The following SMAP1 variants were observed in gnomAD, a reference collection of about 807,000 sequenced individuals.
The protein encoded by SMAP1 is stromal membrane-associated protein 1.
SMAP1 carries 24 observed loss-of-function variants against 58.5 expected under a neutral mutation model. The ratio of observed to expected loss-of-function variants is 0.41; its 90% CI spans 0.30 to 0.58. The LOEUF (loss-of-function observed/expected upper bound fraction) is 0.58, where lower values mean the gene tolerates loss of function less well. Ranked by LOEUF, SMAP1 falls within the 20% of genes least tolerant of loss-of-function variation. SMAP1 has a pLI of 0.29. For missense variants in SMAP1, 563 were observed against 566.3 expected (o/e 0.99, Z 0.06); for synonymous variants, 216 against 196.6 (o/e 1.10, Z -0.82).
intron 1 of SMAP1, among the ~76,000 whole-genome samples, chr6:70,691,127 C>T (rs545425708): frequency 1.3e-5 from 2 of 152,272 alleles, no homozygotes; most frequent in South Asian, 4.1e-4. Flanking sequence ...TTTATTGTAT[C>T]TGTAGAATCT....
intron 1 of SMAP1, among the ~76,000 whole-genome samples, chr6:70,681,564 T>C (rs909215777): frequency 6.6e-6 from 1 of 152,264 alleles, no homozygotes; most frequent in African/African-American, 2.4e-5. Flanking sequence ...GTTATTTTCA[T>C]CTTCCTTGAA....
At chr6:70,671,604 C>T (rs1308283820) in intron 1 of SMAP1, among the ~76,000 whole-genome samples, 1 of 152,142 alleles carries the variant, frequency 6.6e-6, no homozygotes, top group Non-Finnish European at 1.5e-5. Context: ...AAAAACAAAA[C>T]ATATAGATAA....
At chr6:70,721,733 C>T (rs996547781) in intron 1 of SMAP1, among the ~76,000 whole-genome samples, 6 of 152,108 alleles carry the variant, frequency 3.9e-5, no homozygotes, top group East Asian at 3.8e-4. Context: ...CTCAGAATCA[C>T]GGAATCATGG....
chr6:70,694,190 C>G (rs138580077), intron 1 of SMAP1: 1 of 322,158 alleles, frequency 3.1e-6, no homozygotes, highest in Non-Finnish European at 6.1e-6. Context: ...GAGGCTATAA[C>G]TTGATCTACT....
At chr6:70,690,708 A>ATATATTTT (rs1554189883) in intron 1 of SMAP1, among the ~76,000 whole-genome samples, 6 of 148,942 alleles carry the variant, frequency 4.0e-5, no homozygotes, top group South Asian at 2.1e-4. Context: ...ATATATATAT[A>ATATATTTT]TTTTTGAATT....
chr6:70,668,612 G>C, intron 1 of SMAP1: 1 of 1,535,846 alleles, frequency 6.5e-7, no homozygotes, highest in Non-Finnish European at 8.7e-7. Flanking sequence ...TCCGGGCTCG[G>C]ATTCTTGGTC....
chr6:70,805,413 C>T (rs1334462857), intron 6 of SMAP1, among the ~76,000 whole-genome samples: 2 of 152,192 alleles, frequency 1.3e-5, no homozygotes, highest in East Asian at 1.9e-4. Context: ...AACCTTTTTT[C>T]GAGGTTTTTA....
intron 1 of SMAP1, among the ~76,000 whole-genome samples, chr6:70,678,111 TGA>T (rs1766558719): frequency 6.6e-6 from 1 of 152,234 alleles, no homozygotes; most frequent in Admixed American, 6.5e-5. Context: ...ACATATATTT[TGA>T]GTGATAAATG....
chr6:70,831,136 C>A (rs754051757), intron 6 of SMAP1, among the ~76,000 whole-genome samples: 1 of 152,102 alleles, frequency 6.6e-6, no homozygotes, highest in African/African-American at 2.4e-5. Flanking sequence ...TAGCTGAGGC[C>A]AGCCATGATT....
In SMAP1 at chr6:70,851,692, T is replaced by G. The variant is rs995508211; in HGVS notation, c.665-848T>G. Among the ~76,000 whole-genome samples the G allele has an allele frequency of 3.2e-4, 49 of 152,194 alleles. 2 individuals are homozygous for G. Among genetic ancestry groups the G allele is most frequent in the Admixed American group, 2.7e-3 (41 of 15,280 alleles). On this transcript the variant is annotated intron_variant, in intron 7 of 10. Transcript: ENST00000370455. The stretch of plus-strand genomic sequence containing the variant: ...CTTCATCTCCTGCCCCCAGCCCTTA[T>G]AAATGTTCACTAACATAAAAAGGGG...
intron 6 of SMAP1, among the ~76,000 whole-genome samples, chr6:70,831,109 G>C (rs1770340404): frequency 6.6e-6 from 1 of 152,138 alleles, no homozygotes; most frequent in Non-Finnish European, 1.5e-5. Flanking sequence ...CATTTCAACT[G>C]TCTCTTCCTA....
intron 2 of SMAP1, among the ~76,000 whole-genome samples, chr6:70,747,957 T>TA (rs1183402067): frequency 1.3e-5 from 2 of 152,276 alleles, no homozygotes; most frequent in African/African-American, 4.8e-5. Flanking sequence ...GTTTATTCTT[T>TA]AAAAAAATAA....
intron 9 of SMAP1, 156 bp downstream of exon 9, chr6:70,857,186 T>G: frequency 3.0e-6 from 2 of 665,582 alleles, no homozygotes. Context: ...GAATGAGCAT[T>G]AGAATTAAAA....
chr6:70,795,085 T>C (rs1371819114), intron 5 of SMAP1, among the ~76,000 whole-genome samples: 1 of 152,198 alleles, frequency 6.6e-6, no homozygotes, highest in Non-Finnish European at 1.5e-5. Context: ...TCCAAGTCTT[T>C]GCTATTGTGA....
At chr6:70,775,743 T>G (rs972372860) in intron 4 of SMAP1, among the ~76,000 whole-genome samples, 1 of 152,188 alleles carries the variant, frequency 6.6e-6, no homozygotes, top group Non-Finnish European at 1.5e-5. Context: ...CTCCTGAGTT[T>G]ATAGTACTAT....
chr6:70,840,063 G>T (rs1770745924), intron 7 of SMAP1, among the ~76,000 whole-genome samples: 1 of 152,166 alleles, frequency 6.6e-6, no homozygotes, highest in Admixed American at 6.5e-5. Context: ...GGGCGTAGGT[G>T]CCTTGAAGTA....
intron 2 of SMAP1, among the ~76,000 whole-genome samples, chr6:70,753,840 C>T (rs1300958015): frequency 1.3e-5 from 2 of 151,760 alleles, no homozygotes; most frequent in Non-Finnish European, 2.9e-5. Flanking sequence ...CTCATTATCT[C>T]TAGAGGGAAG....
chr6:70,729,459 T>TGTGTGTGTGTGTGTGTG (rs1554194434), intron 1 of SMAP1, among the ~76,000 whole-genome samples: 2 of 128,164 alleles, frequency 1.6e-5, no homozygotes, highest in African/African-American at 5.9e-5. Flanking sequence ...AAAAAGAAGG[T>TGTGTGTGTGTGTGTGTG]TGTGTGTGTG....
At chr6:70,670,456 T>C (rs1351259238) in intron 1 of SMAP1, among the ~76,000 whole-genome samples, 1 of 152,162 alleles carries the variant, frequency 6.6e-6, no homozygotes, top group Non-Finnish European at 1.5e-5. Flanking sequence ...ATTTTCACAG[T>C]TTTTGAGTAT....
Sources: gnomAD v4.1 joint callset for allele counts (sites outside exome capture counted in the v4.1 genomes callset) on GRCh38, gnomAD v4.1.1 for gene constraint, MANE v1.5 for transcripts, NCBI Gene and HGNC (gene_info 2026-07-23, HGNC 2026-07-21) for gene names.